The following NRP1 variants were observed in gnomAD, a reference collection of about 807,000 sequenced individuals.
NRP1 encodes the protein neuropilin-1.
In NRP1, 35 loss-of-function variants were observed where a neutral mutation model predicts 106.7. The ratio of observed to expected loss-of-function variants is 0.33; its 90% CI spans 0.25 to 0.43. NRP1 has a LOEUF of 0.43. Ranked by LOEUF, NRP1 falls within the 20% of genes least tolerant of loss-of-function variation. The pLI, the probability that NRP1 is intolerant of heterozygous loss-of-function variation, is 1.00. For synonymous variants in NRP1, 437 were observed against 417.9 expected (o/e 1.05, Z -0.56); for missense variants, 1,024 against 1,170.4 (o/e 0.87, Z 1.83).
chr10:33,183,298 G>T (rs915296827), intron 15 of NRP1, among the ~76,000 whole-genome samples: 1 of 149,934 alleles, frequency 6.7e-6, no homozygotes, highest in Non-Finnish European at 1.5e-5. Flanking sequence ...GGAAGCAAGA[G>T]CCTGTCTCAA....
At chr10:33,254,254 C>A in intron 5 of NRP1, 60 bp from the exon 6 acceptor site, 1 of 1,437,658 alleles carries the variant, frequency 7.0e-7, no homozygotes, top group East Asian at 2.3e-5. Flanking sequence ...ATGCATTTTT[C>A]TTTTTTAACT....
At chr10:33,240,779 G>T (rs1840948885) in intron 6 of NRP1, among the ~76,000 whole-genome samples, 1 of 152,072 alleles carries the variant, frequency 6.6e-6, no homozygotes, top group Non-Finnish European at 1.5e-5. Context: ...GCCAGCCTAA[G>T]GTTATAACGA....
At chr10:33,226,415 G>A (rs111971318) in intron 6 of NRP1, 126 bp from the exon 7 acceptor site, 105 of 949,346 alleles carry the variant, frequency 1.1e-4, no homozygotes, top group African/African-American at 4.1e-4. Context: ...TCATTCCATC[G>A]GGTGTCCACA....
chr10:33,205,977 C>G, intron 10 of NRP1: 1 of 238,372 alleles, frequency 4.2e-6, no homozygotes, highest in South Asian at 5.4e-5. Context: ...ATAAGTTCCT[C>G]CTAAAGTTAG....
intron 15 of NRP1, among the ~76,000 whole-genome samples, chr10:33,183,882 T>C (rs1280037826): frequency 1.3e-5 from 2 of 152,226 alleles, no homozygotes; most frequent in Non-Finnish European, 2.9e-5. Flanking sequence ...AATGGAGCCG[T>C]AGTTGTGAAT....
At chr10:33,297,917 GA>G (rs5784331) in intron 2 of NRP1, among the ~76,000 whole-genome samples, 28,040 of 148,742 alleles carry the variant, frequency 0.19, 3,091 homozygotes, top group African/African-American at 0.31. Context: ...GCTATTCTAA[GA>G]AAAAAAAAAT....
intron 7 of NRP1, among the ~76,000 whole-genome samples, chr10:33,223,564 G>C (rs771981472): frequency 3.3e-5 from 5 of 152,092 alleles, no homozygotes; most frequent in Non-Finnish European, 7.4e-5. Flanking sequence ...GGAATTTAAG[G>C]CTGCAGTGAG....
chr10:33,214,482 A>G (rs1238876952), intron 8 of NRP1, among the ~76,000 whole-genome samples: 1 of 152,082 alleles, frequency 6.6e-6, no homozygotes, highest in African/African-American at 2.4e-5. Context: ...TTTATTAAGT[A>G]CAAGAAAGCA....
intron 2 of NRP1, among the ~76,000 whole-genome samples, chr10:33,283,926 C>A (rs1844326129): frequency 6.6e-6 from 1 of 152,178 alleles, no homozygotes; most frequent in Non-Finnish European, 1.5e-5. Context: ...ACAAGGGGAA[C>A]ATACAACCCC....
chr10:33,289,664 T>A (rs1212501047), intron 2 of NRP1, among the ~76,000 whole-genome samples: 1 of 152,210 alleles, frequency 6.6e-6, no homozygotes, highest in South Asian at 2.1e-4. Flanking sequence ...TAGATACACA[T>A]ACGAATGGTA....
intron 10 of NRP1, among the ~76,000 whole-genome samples, chr10:33,203,756 C>T (rs1837539844): frequency 1.8e-5 from 1 of 54,590 alleles, no homozygotes; most frequent in Non-Finnish European, 3.4e-5. Context: ...TTTTTTGAGA[C>T]GGAGTCTCGC....
intron 2 of NRP1, chr10:33,288,371 C>A (rs1357037939): frequency 6.6e-6 from 1 of 152,238 alleles, no homozygotes; most frequent in Non-Finnish European, 1.5e-5. Context: ...AATCCCACTA[C>A]TGATCACCAT....
At chr10:33,269,671 G>A (rs893715274) in intron 3 of NRP1, among the ~76,000 whole-genome samples, 2 of 152,164 alleles carry the variant, frequency 1.3e-5, no homozygotes, top group African/African-American at 4.8e-5. Flanking sequence ...GGCGAGCAAA[G>A]TGTTGTCTGT....
At chr10:33,234,389 A>G (rs1379328545) in intron 6 of NRP1, among the ~76,000 whole-genome samples, 1 of 152,174 alleles carries the variant, frequency 6.6e-6, no homozygotes, top group African/African-American at 2.4e-5. Context: ...CATATTTTAT[A>G]ACCATAATGA....
chr10:33,329,124 A>C (rs1411433208), intron 2 of NRP1, among the ~76,000 whole-genome samples: 1 of 152,198 alleles, frequency 6.6e-6, no homozygotes, highest in African/African-American at 2.4e-5. Flanking sequence ...AAACCACCAT[A>C]AAGAATATTA....
intron 13 of NRP1, among the ~76,000 whole-genome samples, chr10:33,189,354 A>G (rs1162597909): frequency 2.6e-5 from 4 of 152,216 alleles, no homozygotes; most frequent in South Asian, 4.1e-4. Context: ...CAGTAAAATA[A>G]GCCTAGCTCA....
At chr10:33,181,622 T>C (rs1005417848) in intron 16 of NRP1, among the ~76,000 whole-genome samples, 11 of 152,204 alleles carry the variant, frequency 7.2e-5, no homozygotes, top group African/African-American at 2.7e-4. Flanking sequence ...AGGCAAGGCC[T>C]AACTCTGATC....
intron 1 of NRP1, among the ~76,000 whole-genome samples, chr10:33,332,806 T>G (rs1395883928): frequency 6.6e-6 from 1 of 152,180 alleles, no homozygotes; most frequent in Non-Finnish European, 1.5e-5. Flanking sequence ...GCGACATGGC[T>G]TTTGCTGGTA....
chr10:33,277,119 A>G (rs568579238), intron 2 of NRP1, among the ~76,000 whole-genome samples: 2 of 152,176 alleles, frequency 1.3e-5, no homozygotes, highest in East Asian at 1.9e-4. Flanking sequence ...ATTAAAAAAA[A>G]AAAAAAGAAA....
Sources: gnomAD v4.1 joint callset for allele counts (sites outside exome capture counted in the v4.1 genomes callset) on GRCh38, gnomAD v4.1.1 for gene constraint, MANE v1.5 for transcripts, NCBI Gene and HGNC (gene_info 2026-07-23, HGNC 2026-07-21) for gene names.